Variants in NUGGC observed in about 807,000 individuals in gnomAD.
The protein encoded by NUGGC is nuclear GTPase SLIP-GC.
A neutral mutation model predicts 92.6 loss-of-function variants in NUGGC; 58 were observed. That is an observed-to-expected ratio of 0.63 (90% confidence interval 0.51 to 0.78). The LOEUF is 0.78. Among genes scored for constraint, NUGGC ranks in the 30% least tolerant of loss-of-function variants. The pLI is 0.00. For synonymous variants in NUGGC, 376 were observed against 366.4 expected (o/e 1.03, Z -0.30); for missense variants, 925 against 964.6 (o/e 0.96, Z 0.54).
chr8:28,055,861 C>T, intron 10 of NUGGC, 104 bp downstream of exon 10: 1 of 625,298 alleles, frequency 1.6e-6, no homozygotes, highest in Admixed American at 3.0e-5. Context: ...CTGTCTATTC[C>T]AAAACTTTGG....
At position 28,064,729 on chromosome 8, in the gene NUGGC, T is replaced by C. The variant is rs774931330; in HGVS notation, c.714A>G (p.Ala238=). The change falls in exon 7 of 19, where the codon GCA becomes GCG. Residue 238 remains alanine (A), a splice_region_variant and synonymous_variant. Coordinates refer to ENST00000413272, the MANE Select transcript of NUGGC (RefSeq NM_001010906.2). ...GGTCCAGCTTGATGGACAGCTCTTC[T>C]GCCTGAAGAAGGAGGACAGAGTCAC... ...SRVITLKAEE[A]EELSIKLDPY... 5.0e-6 allele frequency: 8 copies of C among 1,613,676 alleles called. No homozygotes were observed. Among genetic ancestry groups the C allele is most frequent in the Non-Finnish European group, 6.8e-6 (8 of 1,179,774 alleles).
At chr8:28,058,028 C>T (rs942016686) in intron 9 of NUGGC, among the ~76,000 whole-genome samples, 2 of 152,010 alleles carry the variant, frequency 1.3e-5, no homozygotes, top group African/African-American at 4.8e-5. Context: ...CCCATCTCTA[C>T]TAAAAATACA....
At chr8:28,076,083 T>C (rs1810715409) in intron 1 of NUGGC, among the ~76,000 whole-genome samples, 1 of 152,254 alleles carries the variant, frequency 6.6e-6, no homozygotes, top group Non-Finnish European at 1.5e-5. Flanking sequence ...CATACACACC[T>C]GTGTTATAAC....
chr8:28,079,084 T>C (rs1403674925), intron 1 of NUGGC, among the ~76,000 whole-genome samples: 1 of 152,222 alleles, frequency 6.6e-6, no homozygotes, highest in Non-Finnish European at 1.5e-5. Flanking sequence ...CAGAACTGAT[T>C]TCCTGATAAA....
Position 28,023,141 on chromosome 8 carries a change from G to A in NUGGC, c.*176C>T. 3.2e-6 allele frequency: 2 copies of A among 627,470 alleles called. No homozygotes were observed. The highest frequency in any genetic ancestry group is 5.3e-6 in the Non-Finnish European group (2 of 378,198). 38.9% of individuals were successfully genotyped at this position (627,470 alleles called of 1,614,324 possible). ...TAGCCCCAGCTGCTCTGGAGGCTGA[G>A]GCTGGAGGATCGCTTGAGCCTAGGA... On this transcript the variant is annotated 3_prime_UTR_variant, in exon 19 of 19. Coordinates refer to ENST00000413272, the MANE Select transcript of NUGGC (RefSeq NM_001010906.2).
intron 10 of NUGGC, among the ~76,000 whole-genome samples, chr8:28,052,545 T>C (rs920581872): frequency 5.3e-5 from 8 of 151,680 alleles, no homozygotes; most frequent in Admixed American, 6.6e-5. Flanking sequence ...AAGACTGGAG[T>C]TGTGCTGCCA....
chr8:28,047,521 G>C lies in NUGGC; in HGVS notation c.1298C>G (p.Thr433Ser). 1 of 1,551,160 alleles carries C rather than the reference G, an allele frequency of 6.4e-7. No homozygotes were observed. Among genetic ancestry groups the C allele is most frequent in the Non-Finnish European group, 8.8e-7 (1 of 1,142,598 alleles). ...AQEYWQQALL[T>S]EEETEIPKLR... Reference sequence around the variant, plus strand: ...ACATAAATTACCCGTTTCCTCCTCGGTGAGGAGAGCCTGCTGCCAGTACTC... The same window carrying C: ...ACATAAATTACCCGTTTCCTCCTCGCTGAGGAGAGCCTGCTGCCAGTACTC... The change falls in exon 11 of 19, where the codon ACC becomes AGC. Residue 433 changes from threonine to serine, a missense_variant. Coordinates refer to ENST00000413272, the MANE Select transcript of NUGGC (RefSeq NM_001010906.2).
At chr8:28,064,775 G>T in intron 6 of NUGGC, 44 bp from the exon 7 acceptor site, 2 of 1,544,412 alleles carry the variant, frequency 1.3e-6, no homozygotes, top group Non-Finnish European at 8.9e-7. Context: ...CATGCACCCA[G>T]CTCTGTTCAC....
In NUGGC at chr8:28,023,705, A is replaced by T. The variant is rs148542823; in HGVS notation, c.2246-243T>A. On this transcript the variant is annotated intron_variant, in intron 18 of 18. Transcript: ENST00000413272. ...AACCCTGAGAAGTCACTGGGTCTGT[A>T]TTAAGGCTTCACAGGTGTGTGATAT... Among the ~76,000 whole-genome samples, 70 of 152,328 alleles carry T rather than the reference A, an allele frequency of 4.6e-4. No homozygotes were observed. In the East Asian group the frequency reaches 0.013, roughly 27 times the overall value.
At chr8:28,040,973 A>G in intron 13 of NUGGC, 78 bp downstream of exon 13, 1 of 1,368,158 alleles carries the variant, frequency 7.3e-7, no homozygotes, top group Non-Finnish European at 1.0e-6. Flanking sequence ...TTTGAAGGGA[A>G]TGGGATGATG....
chr8:28,049,765 T>G, intron 10 of NUGGC, among the ~76,000 whole-genome samples: 1 of 152,122 alleles, frequency 6.6e-6, no homozygotes, highest in East Asian at 1.9e-4. Context: ...ATGTTGTATG[T>G]GAGAGAGGAG....
intron 7 of NUGGC, among the ~76,000 whole-genome samples, chr8:28,063,587 G>T (rs1035758268): frequency 3.3e-5 from 5 of 152,172 alleles, no homozygotes; most frequent in Admixed American, 2.0e-4. Context: ...GGTAGATAGA[G>T]CCCCAGCAGG....
chr8:28,044,667 GT>G (rs1809782777), intron 12 of NUGGC, among the ~76,000 whole-genome samples: 2 of 152,220 alleles, frequency 1.3e-5, no homozygotes, highest in African/African-American at 4.8e-5. Context: ...CTCCTGGGTT[GT>G]TATTAGAGAT....
chr8:28,059,028 C>T (rs1256699835), intron 8 of NUGGC, among the ~76,000 whole-genome samples: 2 of 151,990 alleles, frequency 1.3e-5, no homozygotes, highest in African/African-American at 2.4e-5. Flanking sequence ...TTAGTGTTGG[C>T]ATTGGAAAGG....
At position 28,067,687 on chromosome 8, in the gene NUGGC, T is replaced by C. The variant is rs4732620; in HGVS notation, c.538A>G (p.Ser180Gly). ...TTCCACGCATCTGCCTCTTCTCTGC[T>C]CAGCTCCTCCGTCCTATGCAGGAGT... ...TKLLHRTEELSREEADAWNRD... is the reference protein window; with the variant it reads ...TKLLHRTEELGREEADAWNRD... Residue 180 changes from serine to glycine, a missense_variant, in exon 6 of 19, where the codon AGC becomes GGC. By Grantham distance (56) the Ser-to-Gly change is moderately conservative. Coordinates refer to ENST00000413272, the MANE Select transcript of NUGGC (RefSeq NM_001010906.2). 0.56 allele frequency: 897,681 copies of C among 1,613,536 alleles called. 250,798 individuals are homozygous for C. Among genetic ancestry groups the C allele is most frequent in the Admixed American group, 0.62 (37,491 of 60,006 alleles).
chr8:28,065,467 G>T (rs773866859), intron 6 of NUGGC, among the ~76,000 whole-genome samples: 2 of 152,140 alleles, frequency 1.3e-5, no homozygotes, highest in Admixed American at 1.3e-4. Context: ...GCCGAAATTG[G>T]ATCTTAAAAA....
Position 28,041,096 on chromosome 8 carries a change from C to G in NUGGC, c.1566G>C (p.Arg522Ser). Residue 522 changes from arginine to serine, a missense_variant, in exon 13 of 19, where the codon AGG (arginine) becomes AGC (serine). Coordinates refer to ENST00000413272, the MANE Select transcript of NUGGC (RefSeq NM_001010906.2). Reference sequence around the variant, plus strand: ...TGCAGCGGTAAGAAGTCCTGGCGGTCCTGACCCCTTCTTGCAGAGGCTGCT... The same window carrying G: ...TGCAGCGGTAAGAAGTCCTGGCGGTGCTGACCCCTTCTTGCAGAGGCTGCT... ...CMEQPLQEGV[R>S]TARTSYRCIL... 6.2e-7 allele frequency: 1 copy of G among 1,607,680 alleles called. No homozygotes were observed. Among genetic ancestry groups the G allele is most frequent in the Non-Finnish European group, 8.5e-7 (1 of 1,177,276 alleles).
chr8:28,024,374 T>C (rs1809202009), intron 18 of NUGGC, among the ~76,000 whole-genome samples: 2 of 151,978 alleles, frequency 1.3e-5, no homozygotes, highest in Non-Finnish European at 2.9e-5. Flanking sequence ...GTCTGCAACA[T>C]CGACTCTGCC....
intron 1 of NUGGC, among the ~76,000 whole-genome samples, chr8:28,082,559 C>G (rs766108160): frequency 1.3e-5 from 2 of 152,146 alleles, no homozygotes; most frequent in Non-Finnish European, 2.9e-5. Context: ...CAAACTAAAA[C>G]CTGATTCTCC....
Sources: gnomAD v4.1 joint callset for allele counts (sites outside exome capture counted in the v4.1 genomes callset) on GRCh38, gnomAD v4.1.1 for gene constraint, MANE v1.5 for transcripts, NCBI Gene and HGNC (gene_info 2026-07-23, HGNC 2026-07-21) for gene names.